The following PACSIN1 variants were observed in gnomAD, a reference collection of about 807,000 sequenced individuals.
PACSIN1 encodes the protein protein kinase C and casein kinase substrate in neurons protein 1.
A neutral mutation model predicts 59.5 loss-of-function variants in PACSIN1; 15 were observed. The ratio of observed to expected loss-of-function variants is 0.25; its 90% CI spans 0.17 to 0.39. The LOEUF (loss-of-function observed/expected upper bound fraction) is 0.39. Ranked by LOEUF, PACSIN1 falls within the 10% of genes least tolerant of loss-of-function variation. PACSIN1 has a pLI of 1.00. For synonymous variants in PACSIN1, 210 were observed against 220.6 expected (o/e 0.95, Z 0.42); for missense variants, 420 against 580.2 (o/e 0.72, Z 2.84).
chr6:34,505,061 C>T (rs1037806929), intron 1 of PACSIN1, among the ~76,000 whole-genome samples: 8 of 151,854 alleles, frequency 5.3e-5, no homozygotes, highest in African/African-American at 1.9e-4. Context: ...TCATAGTTCA[C>T]TGCAGCCTTG....
In PACSIN1 at chr6:34,521,720, G is replaced by A. The variant is rs1223873195; in HGVS notation, c.-63-4523G>A. On this transcript the variant is annotated intron_variant, in intron 1 of 9. Transcript: ENST00000244458. This position sits in a 1 kb window ranked among gnomAD's most constrained non-coding sequence, Gnocchi z 4.3. ...CTGTTGCTCCACTACAGGCAACGGC[G>A]GTGGTGGATGGATAGTAAGCGCCGA... Among the ~76,000 whole-genome samples, 9 of 152,134 alleles carry A rather than the reference G, an allele frequency of 5.9e-5. No individual in the cohort carries two copies. Among genetic ancestry groups the A allele is most frequent in the Non-Finnish European group, 2.9e-5 (2 of 68,028 alleles).
rs572066284 is a variant in PACSIN1, at chr6:34,530,814, C to T, written c.1037+227C>T. 2.6e-5 allele frequency among the ~76,000 whole-genome samples: 4 copies of T among 152,270 alleles called. No individual in the cohort carries two copies. In the East Asian group the frequency reaches 5.8e-4, roughly 22 times the overall value. ...CCACGGATGGGAGCGGGGTGGTTTT[C>T]GGATGAAACTGTTCCACCTCAGATC... is the stretch of plus-strand genomic sequence containing the variant. On this transcript the variant is annotated intron_variant, in intron 8 of 9. Transcript: ENST00000244458. The surrounding 1 kb of genome is among the most constrained non-coding windows in gnomAD (Gnocchi z 4.4).
chr6:34,530,931 A>G lies in PACSIN1; in HGVS notation c.1037+344A>G, dbSNP rs893344810. 6.6e-6 allele frequency among the ~76,000 whole-genome samples: 1 copy of G among 152,106 alleles called. No homozygotes were observed. The highest frequency in any genetic ancestry group is 1.5e-5 in the Non-Finnish European group (1 of 68,004). On this transcript the variant is annotated intron_variant, in intron 8 of 9. Coordinates refer to ENST00000244458, the MANE Select transcript of PACSIN1 (RefSeq NM_020804.5). This position sits in a 1 kb window ranked among gnomAD's most constrained non-coding sequence, Gnocchi z 4.4. ...GGGGTTGCGCTCCTATGAGAATCTA[A>G]CGCCGCGGCTGATCTAACAGGAGGT...
chr6:34,481,209 C>G (rs558727857), intron 1 of PACSIN1, among the ~76,000 whole-genome samples: 3 of 151,980 alleles, frequency 2.0e-5, no homozygotes, highest in African/African-American at 7.2e-5. Context: ...CCATGCCTGG[C>G]TAATTTTTGT....
intron 1 of PACSIN1, among the ~76,000 whole-genome samples, chr6:34,479,440 T>TTTTC (rs1463748412): frequency 2.6e-5 from 4 of 152,006 alleles, no homozygotes; most frequent in African/African-American, 9.7e-5. Flanking sequence ...ATTTTCTGAT[T>TTTTC]TTTCTTTCTT....
At position 34,529,254 on chromosome 6, in the gene PACSIN1, G is replaced by A; in HGVS notation, c.457-143G>A. The A allele has an allele frequency of 1.2e-6, 1 of 852,864 alleles. No individual in the cohort carries two copies. The highest frequency in any genetic ancestry group is 1.8e-6 in the Non-Finnish European group (1 of 552,474). 52.8% of individuals were successfully genotyped at this position (852,864 alleles called of 1,614,324 possible). On this transcript the variant is annotated intron_variant, in intron 4 of 9. Transcript: ENST00000244458. The surrounding 1 kb of genome is among the most constrained non-coding windows in gnomAD (Gnocchi z 6.3). ...GAGGAGCGCTGCTCCCGAACACCTG[G>A]AGCCAGGGCCTGCATCCCTTCTGGC...
chr6:34,470,029 G>A (rs931203512), intron 1 of PACSIN1, among the ~76,000 whole-genome samples: 13 of 152,326 alleles, frequency 8.5e-5, no homozygotes, highest in African/African-American at 2.9e-4. Context: ...GCCAGGGGCA[G>A]GGTGGCCTGG....
chr6:34,517,836 C>T (rs1160015623), intron 1 of PACSIN1, among the ~76,000 whole-genome samples: 1 of 152,222 alleles, frequency 6.6e-6, no homozygotes, highest in East Asian at 1.9e-4. Flanking sequence ...GCCTGCTCAG[C>T]CTCTCTAGAA....
intron 1 of PACSIN1, among the ~76,000 whole-genome samples, chr6:34,512,501 C>CTGAG (rs2127264560): frequency 6.6e-6 from 1 of 152,294 alleles, no homozygotes; most frequent in South Asian, 2.1e-4. Flanking sequence ...TGTCCCCCAG[C>CTGAG]TGAGGCCTCC....
At chr6:34,470,080 T>C (rs1375275942) in intron 1 of PACSIN1, among the ~76,000 whole-genome samples, 1 of 152,050 alleles carries the variant, frequency 6.6e-6, no homozygotes, top group East Asian at 1.9e-4. Flanking sequence ...GGGGCTCCCC[T>C]CCACCCTCCC....
At chr6:34,470,733 T>C (rs1478130591) in intron 1 of PACSIN1, among the ~76,000 whole-genome samples, 1 of 152,200 alleles carries the variant, frequency 6.6e-6, no homozygotes, top group South Asian at 2.1e-4. Flanking sequence ...AACTTGATAT[T>C]AAAATGCTGG....
chr6:34,529,575 G>A lies in PACSIN1; in HGVS notation c.612+23G>A, dbSNP rs200926578. The A allele has an allele frequency of 4.6e-5, 75 of 1,613,796 alleles. No individual in the cohort carries two copies. The highest frequency in any genetic ancestry group is 1.3e-4 in the East Asian group (6 of 44,860). On this transcript the variant is annotated intron_variant, in intron 5 of 9. Transcript: ENST00000244458. The surrounding 1 kb of genome is among the most constrained non-coding windows in gnomAD (Gnocchi z 6.3). The stretch of plus-strand genomic sequence containing the variant: ...AAGGTGCTGGCGGGCAGGGATGGCA[G>A]TAGGGGGTCTGGGGGCCCCTTGCAG...
Position 34,530,342 on chromosome 6 carries a change from C to T in PACSIN1, c.888C>T (p.Pro296=), listed in dbSNP as rs1161343794. ...WFRSTSGPGM[P]MNWPQFEEWN... ...GCAGCACCAGTGGCCCCGGCATGCC[C>T]ATGAACTGGCCCCAGTTTGAGGTGA... The change falls in exon 7 of 10, where the codon CCC becomes CCT. Residue 296 remains proline (P), a synonymous_variant. Coordinates refer to ENST00000244458, the MANE Select transcript of PACSIN1 (RefSeq NM_020804.5). The surrounding 1 kb of genome is among the most constrained non-coding windows in gnomAD (Gnocchi z 4.4). The T allele has an allele frequency of 2.5e-6, 4 of 1,613,940 alleles. No individual in the cohort carries two copies. Among genetic ancestry groups the T allele is most frequent in the Non-Finnish European group, 3.4e-6 (4 of 1,179,974 alleles).
At chr6:34,519,475 C>A (rs548471173) in intron 1 of PACSIN1, among the ~76,000 whole-genome samples, 1 of 152,246 alleles carries the variant, frequency 6.6e-6, no homozygotes, top group African/African-American at 2.4e-5. Flanking sequence ...CTGAGATCTT[C>A]CTTTCATGGG....
At chr6:34,486,765 G>A (rs766555833) in intron 1 of PACSIN1, among the ~76,000 whole-genome samples, 6 of 150,088 alleles carry the variant, frequency 4.0e-5, no homozygotes, top group African/African-American at 7.2e-5. Flanking sequence ...GTTGCTCTGC[G>A]AGTTGGGACA....
intron 1 of PACSIN1, among the ~76,000 whole-genome samples, chr6:34,490,854 C>T (rs1303792598): frequency 3.3e-5 from 5 of 152,134 alleles, no homozygotes. Context: ...CTACTGTGGG[C>T]TTTCGTTTTC....
Position 34,530,251 on chromosome 6 carries a change from A to G in PACSIN1, c.797A>G (p.His266Arg). The G allele has an allele frequency of 6.2e-7, 1 of 1,613,480 alleles. No homozygotes were observed. The highest frequency in any genetic ancestry group is 1.1e-5 in the South Asian group (1 of 90,956). The change falls in exon 7 of 10, where the codon CAT (histidine) becomes CGT (arginine). Residue 266 changes from histidine to arginine, a missense_variant. His to Arg is a conservative substitution (Grantham distance 29, BLOSUM62 0). Coordinates refer to ENST00000244458, the MANE Select transcript of PACSIN1 (RefSeq NM_020804.5). This position sits in a 1 kb window ranked among gnomAD's most constrained non-coding sequence, Gnocchi z 4.4. The part of the protein sequence containing the change: ...LNLAENSSYI[H>R]VYRELEQAIR... ...CATCTCCCTGAGCACAGCTACATCC[A>G]TGTGTACCGTGAGCTGGAGCAGGCC...
chr6:34,519,970 T>C (rs559096497), intron 1 of PACSIN1, among the ~76,000 whole-genome samples: 2 of 152,010 alleles, frequency 1.3e-5, no homozygotes, highest in South Asian at 4.2e-4. Flanking sequence ...ACCACAGTGT[T>C]GGTGTCAGAT....
chr6:34,497,757 G>A (rs1766969399), intron 1 of PACSIN1, among the ~76,000 whole-genome samples: 1 of 152,154 alleles, frequency 6.6e-6, no homozygotes, highest in Non-Finnish European at 1.5e-5. Flanking sequence ...CAAAGCAATG[G>A]GCATGGCATG....
Sources: gnomAD v4.1 joint callset for allele counts (sites outside exome capture counted in the v4.1 genomes callset) on GRCh38, gnomAD v4.1.1 for gene constraint, Gnocchi (gnomAD v3.1) non-coding constraint, MANE v1.5 for transcripts, NCBI Gene and HGNC (gene_info 2026-07-23, HGNC 2026-07-21) for gene names.